The following FBL variants were observed in gnomAD, a reference collection of about 807,000 sequenced individuals.
FBL encodes rRNA 2'-O-methyltransferase fibrillarin.
A neutral mutation model predicts 42.2 loss-of-function variants in FBL; 10 were observed. The observed-to-expected ratio is 0.24, with a 90% CI of 0.15 to 0.40. The LOEUF (loss-of-function observed/expected upper bound fraction) is 0.40, where lower values mean the gene tolerates loss of function less well. FBL is among the 10% of genes least tolerant of loss of function. The pLI, the probability that FBL is intolerant of heterozygous loss-of-function variation, is 1.00. For missense variants in FBL, 351 were observed against 439.2 expected (o/e 0.80, Z 1.79); for synonymous variants, 165 against 165.4 (o/e 1.00, Z 0.02).
At chr19:39,844,272 T>C (rs1387184782) in intron 1 of FBL, among the ~76,000 whole-genome samples, 1 of 152,160 alleles carries the variant, frequency 6.6e-6, no homozygotes, top group African/African-American at 2.4e-5. Context: ...TATGAAAGTC[T>C]CAACCCAGGC....
chr19:39,838,896 T>C, intron 5 of FBL, 139 bp downstream of exon 5: 1 of 760,970 alleles, frequency 1.3e-6, no homozygotes, highest in Non-Finnish European at 2.2e-6. Context: ...AGCCACTCCT[T>C]TTACTCACAG....
intron 1 of FBL, among the ~76,000 whole-genome samples, chr19:39,842,089 C>CT (rs35883024): frequency 0.084 from 11,939 of 142,774 alleles, 522 homozygotes; most frequent in Middle Eastern, 0.12. Context: ...CATAAGCTTG[C>CT]TTTTTTTTTT....
rs759364850 is a variant in FBL, at chr19:39,840,352, G to A, written c.284-25C>T. On this transcript the variant is annotated intron_variant, in intron 3 of 8. Transcript: ENST00000221801. The surrounding 1 kb of genome is among the most constrained non-coding windows in gnomAD (Gnocchi z 4.5). ...CCTGGGTGAGGGGATCAGAGCAGGG[G>A]TGAGGACCCCCAGCCTCTCCCTGCC... 15 of 1,611,690 alleles carry A rather than the reference G, an allele frequency of 9.3e-6. No homozygotes were observed. Among genetic ancestry groups the A allele is most frequent in the Admixed American group, 8.3e-5 (5 of 59,990 alleles).
At chr19:39,835,024 C>A (rs148214500) in intron 7 of FBL, among the ~76,000 whole-genome samples, 2 of 152,178 alleles carry the variant, frequency 1.3e-5, no homozygotes, top group Non-Finnish European at 2.9e-5. Flanking sequence ...GGTCATGAGG[C>A]CTCTGCCTTC....
intron 1 of FBL, among the ~76,000 whole-genome samples, chr19:39,842,541 CAA>C (rs1476301365): frequency 6.6e-6 from 1 of 152,094 alleles, no homozygotes; most frequent in South Asian, 2.1e-4. Flanking sequence ...CCCAAACAAC[CAA>C]AAGTTGTTTA....
chr19:39,840,187 C>G lies in FBL; in HGVS notation c.378+46G>C, dbSNP rs1969131741. On this transcript the variant is annotated intron_variant, in intron 4 of 8. Coordinates refer to ENST00000221801, the MANE Select transcript of FBL (RefSeq NM_001436.4). The surrounding 1 kb of genome is among the most constrained non-coding windows in gnomAD (Gnocchi z 4.5). Reference sequence around the variant, plus strand: ...GGGCAGACACAGACTACTGGCTACACCCTCAGCTGCGACCCTGGTGGCTTG... The same window carrying G: ...GGGCAGACACAGACTACTGGCTACAGCCTCAGCTGCGACCCTGGTGGCTTG... 2 of 1,362,256 alleles carry G rather than the reference C, an allele frequency of 1.5e-6. No individual in the cohort carries two copies. The highest frequency in any genetic ancestry group is 2.9e-5 in the African/African-American group (2 of 69,894). The allele number at this position is 1,362,256 out of a possible 1,614,324, so 84.4% of individuals were successfully genotyped here.
chr19:39,841,825 C>T (rs1010251662), intron 1 of FBL, among the ~76,000 whole-genome samples: 3 of 152,166 alleles, frequency 2.0e-5, no homozygotes, highest in Admixed American at 6.5e-5. Flanking sequence ...AAGTAGTTTG[C>T]GACTTGTCAG....
Position 39,834,576 on chromosome 19 carries a change from A to T in FBL, c.942-14T>A. On this transcript the variant is annotated splice_polypyrimidine_tract_variant and intron_variant, in intron 8 of 8. Transcript: ENST00000221801. ...TTGGGGGGTGGCCTGTGAGAGGAAG[A>T]TAGGTGATGAAGGAGGGTCCCCAGG... is the stretch of plus-strand genomic sequence containing the variant. 6.2e-7 allele frequency: 1 copy of T among 1,614,164 alleles called. No individual in the cohort carries two copies. Among genetic ancestry groups the T allele is most frequent in the Non-Finnish European group, 8.5e-7 (1 of 1,180,026 alleles).
intron 7 of FBL, 24 bp from the exon 8 acceptor site, chr19:39,834,837 T>C (rs756550503): frequency 1.9e-6 from 3 of 1,613,616 alleles, no homozygotes; most frequent in Non-Finnish European, 1.7e-6. Flanking sequence ...AGGACTAATG[T>C]CTACAACAGG....
chr19:39,838,797 GTCTCTCT>G, intron 5 of FBL: 1 of 440,912 alleles, frequency 2.3e-6, no homozygotes, highest in Non-Finnish European at 4.0e-6. Context: ...ACTCCCCGTT[GTCTCTCT>G]AAGGTTGGTC....
chr19:39,834,654 G>A lies in FBL; in HGVS notation c.941+14C>T, dbSNP rs760533646. 3 of 1,614,096 alleles carry A rather than the reference G, an allele frequency of 1.9e-6. No individual in the cohort carries two copies. Among genetic ancestry groups the A allele is most frequent in the Admixed American group, 1.7e-5 (1 of 60,004 alleles). ...GAGATGTCTGTCTTGGTGTATTGCT[G>A]GGCCCCTGCTCACCTGTACACTCCC... On this transcript the variant is annotated intron_variant, in intron 8 of 8. Coordinates refer to ENST00000221801, the MANE Select transcript of FBL (RefSeq NM_001436.4).
intron 7 of FBL, 147 bp from the exon 8 acceptor site, chr19:39,834,960 A>T (rs1038170576): frequency 2.4e-6 from 2 of 823,350 alleles, no homozygotes; most frequent in Non-Finnish European, 3.7e-6. Flanking sequence ...ATGTGTTGGA[A>T]ACGTAACCCT....
At position 39,840,647 on chromosome 19, in the gene FBL, C is replaced by T. The variant is rs759805326; in HGVS notation, c.151G>A (p.Gly51Ser). Reference protein sequence around the residue: ...RGRGRGGGGGGGGGGGGGRGG... With the variant: ...RGRGRGGGGGSGGGGGGGRGG... Reference sequence around the variant, plus strand: ...CTTCCTCCTCCTCCACCGCCGCCGCCGCCTCCACCTCCTCCTCGTCCACGA... The same window carrying T: ...CTTCCTCCTCCTCCACCGCCGCCGCTGCCTCCACCTCCTCCTCGTCCACGA... The change falls in exon 2 of 9, where the codon GGC becomes AGC. Residue 51 changes from glycine to serine, a missense_variant. Physicochemically the swap from Gly to Ser is moderately conservative, Grantham distance 56 (BLOSUM62 0). Coordinates refer to ENST00000221801, the MANE Select transcript of FBL (RefSeq NM_001436.4). This position sits in a 1 kb window ranked among gnomAD's most constrained non-coding sequence, Gnocchi z 4.5. 7.4e-6 allele frequency: 12 copies of T among 1,612,272 alleles called. No homozygotes were observed. The highest frequency in any genetic ancestry group is 1.0e-5 in the Non-Finnish European group (12 of 1,179,286).
In FBL at chr19:39,846,351, C is replaced by G. The variant is rs760180832; in HGVS notation, c.-51G>C. On this transcript the variant is annotated 5_prime_UTR_variant, in exon 1 of 9. Coordinates refer to ENST00000221801, the MANE Select transcript of FBL (RefSeq NM_001436.4). The stretch of plus-strand genomic sequence containing the variant: ...GGAGTCCGCGGCGTTCACAACTCCA[C>G]GAGTCCGGGGCTTTCGCACGTGGAA... 1.2e-6 allele frequency: 2 copies of G among 1,609,204 alleles called. No homozygotes were observed. Among genetic ancestry groups the G allele is most frequent in the South Asian group, 1.1e-5 (1 of 90,316 alleles).
At chr19:39,846,244 CCCGCCCGG>C (rs1568543371) in intron 1 of FBL, 39 bp downstream of exon 1, 1 of 1,612,434 alleles carries the variant, frequency 6.2e-7, no homozygotes, top group African/African-American at 1.3e-5. Flanking sequence ...CACCCGGATT[CCCGCCCGG>C]CCTCCGTCCC....
chr19:39,837,670 G>A (rs1480322164), intron 6 of FBL, 41 bp downstream of exon 6: 25 of 1,503,860 alleles, frequency 1.7e-5, no homozygotes, highest in South Asian at 2.7e-5. Context: ...AGCCTGCGGT[G>A]GCCTGTCCTA....
intron 7 of FBL, among the ~76,000 whole-genome samples, chr19:39,835,930 T>TA (rs771927497): frequency 0.018 from 2,646 of 143,982 alleles, 72 homozygotes; most frequent in African/African-American, 0.059. Flanking sequence ...TGTCTCAAAT[T>TA]AAAAAAAAAA....
intron 5 of FBL, 67 bp from the exon 6 acceptor site, chr19:39,837,910 C>T: frequency 7.3e-7 from 1 of 1,370,898 alleles, no homozygotes; most frequent in Non-Finnish European, 1.0e-6. Context: ...TACTTTAGGC[C>T]CATACACTAT....
intron 5 of FBL, chr19:39,838,071 C>A: frequency 2.1e-6 from 1 of 476,952 alleles, no homozygotes; most frequent in Non-Finnish European, 3.7e-6. Context: ...CCAATCCCAT[C>A]TGCCTGAGAG....
Sources: gnomAD v4.1 joint callset for allele counts (sites outside exome capture counted in the v4.1 genomes callset) on GRCh38, gnomAD v4.1.1 for gene constraint, Gnocchi (gnomAD v3.1) non-coding constraint, MANE v1.5 for transcripts, NCBI Gene and HGNC (gene_info 2026-07-23, HGNC 2026-07-21) for gene names.